SPOCK1: variants seen among roughly 807,000 people sequenced by gnomAD.
The protein encoded by SPOCK1 is testican-1.
In SPOCK1, 23 loss-of-function variants were observed where a neutral mutation model predicts 55.3. That is an observed-to-expected ratio of 0.42 (90% CI 0.30 to 0.59). The LOEUF (loss-of-function observed/expected upper bound fraction) is 0.59. Ranked by LOEUF, SPOCK1 falls within the 20% of genes least tolerant of loss-of-function variation. The probability of loss-of-function intolerance (pLI) is 0.22; values close to 1 mark genes in which losing one functional copy is unlikely to be tolerated. For missense variants in SPOCK1, 499 were observed against 552.5 expected (o/e 0.90, Z 0.97); for synonymous variants, 226 against 221.0 (o/e 1.02, Z -0.20).
intron 2 of SPOCK1, among the ~76,000 whole-genome samples, chr5:137,311,588 C>G (rs1363794167): frequency 2.6e-5 from 4 of 152,356 alleles, no homozygotes; most frequent in African/African-American, 9.6e-5. Flanking sequence ...CTACTCCGCT[C>G]TTTTCCTTCA....
At chr5:137,478,594 G>A (rs1261404986) in intron 2 of SPOCK1, among the ~76,000 whole-genome samples, 1 of 152,064 alleles carries the variant, frequency 6.6e-6, no homozygotes, top group Admixed American at 6.6e-5. Flanking sequence ...AACAGAAAAA[G>A]AAATTTGTGT....
At chr5:137,303,165 A>T (rs1209958973) in intron 2 of SPOCK1, among the ~76,000 whole-genome samples, 8 of 152,146 alleles carry the variant, frequency 5.3e-5, no homozygotes, top group African/African-American at 1.9e-4. Context: ...AGAGGCAAGC[A>T]TTTTTGAGTG....
intron 2 of SPOCK1, among the ~76,000 whole-genome samples, chr5:137,407,000 T>TGGC (rs1355197896): frequency 6.6e-6 from 1 of 152,164 alleles, no homozygotes; most frequent in Non-Finnish European, 1.5e-5. Context: ...AGTAAGTGAG[T>TGGC]GGCCAAGCTG....
intron 2 of SPOCK1, among the ~76,000 whole-genome samples, chr5:137,428,045 C>A (rs1425497087): frequency 6.6e-6 from 1 of 152,100 alleles, no homozygotes; most frequent in African/African-American, 2.4e-5. Flanking sequence ...CACTGTAGAA[C>A]CCAGAAGTTT....
intron 3 of SPOCK1, among the ~76,000 whole-genome samples, chr5:137,171,951 T>TTACA (rs1253096505): frequency 6.6e-6 from 1 of 152,222 alleles, no homozygotes; most frequent in African/African-American, 2.4e-5. Context: ...CCTGTTCATC[T>TTACA]TACATACGAA....
At chr5:137,368,684 T>C (rs988161507) in intron 2 of SPOCK1, among the ~76,000 whole-genome samples, 1 of 152,192 alleles carries the variant, frequency 6.6e-6, no homozygotes, top group Non-Finnish European at 1.5e-5. Flanking sequence ...AGGAAGTGTC[T>C]TGGGCTGGCT....
chr5:137,051,334 C>T (rs1209391936), intron 6 of SPOCK1, among the ~76,000 whole-genome samples: 1 of 152,128 alleles, frequency 6.6e-6, no homozygotes, highest in Admixed American at 6.5e-5. Flanking sequence ...GAAAACAGGG[C>T]ATGTCTTACA....
rs183983585 is a variant in SPOCK1 at position 137,308,065 on chromosome 5, C to G, written c.187-41010G>C. Reference sequence around the variant, plus strand: ...TGGCAGTTAGTAAATGCTCAACAAACAGCAGGTGCTGTTAGCCTTCCTATT... The same window carrying G: ...TGGCAGTTAGTAAATGCTCAACAAAGAGCAGGTGCTGTTAGCCTTCCTATT... On this transcript the variant is annotated intron_variant, in intron 2 of 10. Transcript: ENST00000394945. Among the ~76,000 whole-genome samples the G allele has an allele frequency of 2.3e-3, 350 of 152,304 alleles. 1 individual carries two copies. The highest frequency in any genetic ancestry group is 3.4e-3 in the Middle Eastern group (1 of 294).
At chr5:137,190,195 T>C (rs1004200526) in intron 3 of SPOCK1, among the ~76,000 whole-genome samples, 1 of 152,190 alleles carries the variant, frequency 6.6e-6, no homozygotes, top group African/African-American at 2.4e-5. Flanking sequence ...TTTGAGAGGA[T>C]TGACTAATTT....
chr5:137,346,458 A>T (rs1416862162), intron 2 of SPOCK1, among the ~76,000 whole-genome samples: 2 of 152,244 alleles, frequency 1.3e-5, no homozygotes, highest in Non-Finnish European at 2.9e-5. Flanking sequence ...GCAGGAAGTC[A>T]GAACAGGGAG....
At chr5:137,102,653 A>G (rs1401600855) in intron 5 of SPOCK1, among the ~76,000 whole-genome samples, 21 of 152,200 alleles carry the variant, frequency 1.4e-4, no homozygotes, top group Non-Finnish European at 1.9e-4. Flanking sequence ...TCGTGGAAGT[A>G]AAAATTGCAG....
chr5:137,445,319 T>A (rs910110839), intron 2 of SPOCK1, among the ~76,000 whole-genome samples: 1 of 152,248 alleles, frequency 6.6e-6, no homozygotes, highest in Non-Finnish European at 1.5e-5. Context: ...CAAAATGCTA[T>A]TCACATTGCA....
chr5:137,066,987 C>CACAGAGAGAGAGAGAGAG (rs1343691789), intron 6 of SPOCK1, among the ~76,000 whole-genome samples: 4 of 139,586 alleles, frequency 2.9e-5, no homozygotes, highest in African/African-American at 1.1e-4. Context: ...CACACACACA[C>CACAGAGAGAGAGAGAGAG]AGAGAGAGAG....
chr5:137,366,446 C>T (rs769366072), intron 2 of SPOCK1, among the ~76,000 whole-genome samples: 20 of 152,074 alleles, frequency 1.3e-4, no homozygotes, highest in Non-Finnish European at 2.6e-4. Context: ...TTCATTTTTC[C>T]GACAAGAAAA....
chr5:137,127,026 T>C (rs1753793975), intron 4 of SPOCK1, among the ~76,000 whole-genome samples: 1 of 152,158 alleles, frequency 6.6e-6, no homozygotes, highest in Non-Finnish European at 1.5e-5. Context: ...ATTCATATTG[T>C]AAAGAATGAG....
chr5:137,399,650 C>T (rs932864071), intron 2 of SPOCK1, among the ~76,000 whole-genome samples: 26 of 152,208 alleles, frequency 1.7e-4, no homozygotes, highest in African/African-American at 5.8e-4. Flanking sequence ...GTAGACCAGA[C>T]GTTTGCACGT....
chr5:137,258,569 C>T lies in SPOCK1; in HGVS notation c.232+8441G>A, dbSNP rs1756684687. 2.0e-5 allele frequency among the ~76,000 whole-genome samples: 3 copies of T among 152,142 alleles called. No homozygotes were observed. The South Asian group carries it at 6.2e-4, about 32-fold the overall frequency. ...TAAAATTCAGCTGACATTTTTTTCC[C>T]TATTGAGAATTTTCCCAAACCAAGG... On this transcript the variant is annotated intron_variant, in intron 3 of 10. Transcript: ENST00000394945.
chr5:137,300,580 G>C (rs1192410124), intron 2 of SPOCK1, among the ~76,000 whole-genome samples: 1 of 152,200 alleles, frequency 6.6e-6, no homozygotes, highest in African/African-American at 2.4e-5. Context: ...AGTCACAGCT[G>C]AAACTGCTCA....
chr5:137,021,549 T>A (rs758357281), intron 6 of SPOCK1, among the ~76,000 whole-genome samples: 1 of 152,188 alleles, frequency 6.6e-6, no homozygotes, highest in Non-Finnish European at 1.5e-5. Flanking sequence ...ATTTAAAAAA[T>A]TACCTATTTT....
Sources: gnomAD v4.1 joint callset for allele counts (sites outside exome capture counted in the v4.1 genomes callset) on GRCh38, gnomAD v4.1.1 for gene constraint, MANE v1.5 for transcripts, NCBI Gene and HGNC (gene_info 2026-07-23, HGNC 2026-07-21) for gene names.